Variants in TMEM82 observed in about 807,000 individuals in gnomAD.
TMEM82 encodes transmembrane protein 82.
A neutral mutation model predicts 29.2 loss-of-function variants in TMEM82; 30 were observed. That is an observed-to-expected ratio of 1.03 (90% CI 0.77 to 1.39). The LOEUF (loss-of-function observed/expected upper bound fraction) is 1.39. TMEM82 is among the 40% of genes most tolerant of loss of function. The pLI, the probability that TMEM82 is intolerant of heterozygous loss-of-function variation, is 0.00. For synonymous variants in TMEM82, 221 were observed against 225.4 expected (o/e 0.98, Z 0.18); for missense variants, 442 against 447.7 (o/e 0.99, Z 0.12).
intron 2 of TMEM82, 30 bp from the exon 3 acceptor site, chr1:15,742,990 C>A: frequency 6.2e-7 from 1 of 1,601,368 alleles, no homozygotes; most frequent in South Asian, 1.1e-5. Flanking sequence ...CAGTTCTGCA[C>A]CCCTGCCCAC....
At position 15,747,557 on chromosome 1, in the gene TMEM82, C is replaced by T. The variant is rs2068347713; in HGVS notation, c.957C>T (p.Ser319=). The T allele has an allele frequency of 5.6e-6, 9 of 1,614,002 alleles. No individual in the cohort carries two copies. The highest frequency in any genetic ancestry group is 7.6e-6 in the Non-Finnish European group (9 of 1,179,920). Residue 319 remains serine (S), a synonymous_variant, in exon 6 of 6, where the codon TCC becomes TCT. Transcript: ENST00000375782. Reference sequence around the variant, plus strand: ...ACGCTTTTCCTCAGGATTTTCCATCCCAGAGGCCTCCAGTGTCAACACCAA... The same window carrying T: ...ACGCTTTTCCTCAGGATTTTCCATCTCAGAGGCCTCCAGTGTCAACACCAA... ...LDLCQIQDFP[S]QRPPVSTPSQ... is the part of the protein sequence containing the mutation.
At chr1:15,743,222 G>A (rs774158236) in intron 3 of TMEM82, 28 bp downstream of exon 3, 3 of 1,593,128 alleles carry the variant, frequency 1.9e-6, no homozygotes, top group Non-Finnish European at 8.5e-7. Context: ...GCAGTGGGTG[G>A]ATCACTCCCC....
rs772267270 is a variant in TMEM82 at position 15,747,617 on chromosome 1, T to C, written c.1017T>C (p.Ser339=). ...TGCCCTCGGCACCCCAGTCCCAGAG[T>C]TCGGCCCCCTCTTGACCTGCCTCAG... The part of the protein sequence containing the change: ...QPLPSAPQSQ[S]SAPS Residue 339 remains serine (S), a synonymous_variant, in exon 6 of 6, where the codon AGT becomes AGC. Coordinates refer to ENST00000375782, the MANE Select transcript of TMEM82 (RefSeq NM_001013641.3). 7 of 1,613,886 alleles carry C rather than the reference T, an allele frequency of 4.3e-6. No individual in the cohort carries two copies. Among genetic ancestry groups the C allele is most frequent in the Middle Eastern group, 1.7e-4 (1 of 6,056 alleles).
At chr1:15,743,752 G>A (rs1471448938) in intron 3 of TMEM82, among the ~76,000 whole-genome samples, 1 of 152,066 alleles carries the variant, frequency 6.6e-6, no homozygotes, top group African/African-American at 2.4e-5. Context: ...TTAGGATTTC[G>A]AGACCAGCCT....
chr1:15,744,071 G>C lies in TMEM82; in HGVS notation c.337-89G>C, dbSNP rs558662716. On this transcript the variant is annotated intron_variant, in intron 3 of 5. Transcript: ENST00000375782. The surrounding 1 kb of genome is among the most constrained non-coding windows in gnomAD (Gnocchi z 5.2). ...TGGCCCCTTCGGGAACCATCCCCAA[G>C]GTCCCTTCAGGCTCCGGCTTCCTGT... 6.8e-5 allele frequency: 92 copies of C among 1,359,612 alleles called. No homozygotes were observed. The African/African-American group carries it at 1.3e-3, about 19-fold the overall frequency. 84.2% of individuals were successfully genotyped at this position (1,359,612 alleles called of 1,614,324 possible).
rs769685185 is a variant in TMEM82, at chr1:15,746,855, C to T, written c.758-12C>T. The T allele has an allele frequency of 2.2e-5, 34 of 1,553,468 alleles. 1 individual carries two copies. Among genetic ancestry groups the T allele is most frequent in the Middle Eastern group, 2.1e-4 (1 of 4,674 alleles). On this transcript the variant is annotated splice_polypyrimidine_tract_variant and intron_variant, in intron 4 of 5. Coordinates refer to ENST00000375782, the MANE Select transcript of TMEM82 (RefSeq NM_001013641.3). ...GTGTGGTCGGACGGTGACAGGCACCCGCATCCCACAGAGGAGCAGCGGCAG... is the reference window on the plus strand; with the variant it reads ...GTGTGGTCGGACGGTGACAGGCACCTGCATCCCACAGAGGAGCAGCGGCAG...
rs574035362 is a variant in TMEM82, at chr1:15,744,343, G to A, written c.520G>A (p.Val174Ile). ...GGGTGCCCGGCGCCTCCACCGCCACGTCTGCCGCCTCTACGAGCTGCACAG... is the reference window on the plus strand; with the variant it reads ...GGGTGCCCGGCGCCTCCACCGCCACATCTGCCGCCTCTACGAGCTGCACAG... ...GLGARRLHRH[V>I]CRLYELHSSQ... The change falls in exon 4 of 6, where the codon GTC (valine) becomes ATC (isoleucine). Residue 174 changes from valine (V) to isoleucine (I), a missense_variant. Physicochemically the swap from Val to Ile is conservative, Grantham distance 29 (BLOSUM62 3). Transcript: ENST00000375782. This position sits in a 1 kb window ranked among gnomAD's most constrained non-coding sequence, Gnocchi z 5.2. 1.4e-5 allele frequency: 22 copies of A among 1,545,334 alleles called. No homozygotes were observed. Among genetic ancestry groups the A allele is most frequent in the Admixed American group, 9.7e-5 (5 of 51,482 alleles).
Position 15,747,704 on chromosome 1 carries a change from G to A in TMEM82, c.*72G>A, listed in dbSNP as rs1455216504. 1.2e-5 allele frequency: 16 copies of A among 1,355,946 alleles called. No individual in the cohort carries two copies. Among genetic ancestry groups the A allele is most frequent in the Non-Finnish European group, 1.5e-5 (14 of 960,924 alleles). The allele number at this position is 1,355,946 out of a possible 1,614,324, so 84.0% of individuals were successfully genotyped here. ...ATCTCCGAGGCCTTGACCCCAGGGC[G>A]ATGCCTGGAGGCAGAGTGGCAGAGC... is the stretch of plus-strand genomic sequence containing the variant. On this transcript the variant is annotated 3_prime_UTR_variant, in exon 6 of 6. Coordinates refer to ENST00000375782, the MANE Select transcript of TMEM82 (RefSeq NM_001013641.3).
chr1:15,747,294 A>G (rs1157390233), intron 5 of TMEM82, among the ~76,000 whole-genome samples: 1 of 145,906 alleles, frequency 6.9e-6, no homozygotes, highest in Non-Finnish European at 1.5e-5. Flanking sequence ...TCCATCTCCA[A>G]AAAAAAAAAA....
Position 15,744,844 on chromosome 1 carries a change from C to T in TMEM82, c.757+264C>T, listed in dbSNP as rs563972106. Among the ~76,000 whole-genome samples the T allele has an allele frequency of 8.5e-5, 13 of 152,232 alleles. No individual in the cohort carries two copies. The highest frequency in any genetic ancestry group is 1.9e-4 in the African/African-American group (8 of 41,534). On this transcript the variant is annotated intron_variant, in intron 4 of 5. Transcript: ENST00000375782. This position sits in a 1 kb window ranked among gnomAD's most constrained non-coding sequence, Gnocchi z 5.2. ...GAACAGAATCTTGGACAGAGAGAAC[C>T]GCATGTGCCAATGCCCAGAGGGGAG...
At position 15,743,218 on chromosome 1, in the gene TMEM82, G is replaced by T. The variant is rs768483761; in HGVS notation, c.336+24G>T. 2.5e-6 allele frequency: 4 copies of T among 1,595,658 alleles called. No individual in the cohort carries two copies. The South Asian group carries it at 3.3e-5, about 13-fold the overall frequency. ...AGGTGAGGCCTCCGGGAAGGCAGTG[G>T]GTGGATCACTCCCCAGCCCAGGGCC... is the stretch of plus-strand genomic sequence containing the variant. On this transcript the variant is annotated intron_variant, in intron 3 of 5. Coordinates refer to ENST00000375782, the MANE Select transcript of TMEM82 (RefSeq NM_001013641.3).
In TMEM82 at chr1:15,745,819, C is replaced by A. The variant is rs139996473; in HGVS notation, c.758-1048C>A. Among the ~76,000 whole-genome samples the A allele has an allele frequency of 7.8e-3, 1,113 of 141,784 alleles. 8 individuals carry two copies. The highest frequency in any genetic ancestry group is 0.012 in the South Asian group (53 of 4,304). 93.0% of individuals were successfully genotyped at this position (141,784 alleles called of 152,430 possible). Reference sequence around the variant, plus strand: ...AGGAGAATTGCTTGAACCTGGGAGGCGGAGGTTGCAGTGAGCCAAGATCGC... The same window carrying A: ...AGGAGAATTGCTTGAACCTGGGAGGAGGAGGTTGCAGTGAGCCAAGATCGC... On this transcript the variant is annotated intron_variant, in intron 4 of 5. Transcript: ENST00000375782.
chr1:15,742,590 C>A lies in TMEM82; in HGVS notation c.31C>A (p.Leu11Ile). 3.1e-6 allele frequency: 5 copies of A among 1,601,202 alleles called. No individual in the cohort carries two copies. Among genetic ancestry groups the A allele is most frequent in the South Asian group, 2.2e-5 (2 of 89,384 alleles). The change falls in exon 1 of 6, where the codon CTC becomes ATC. Residue 11 changes from leucine (L) to isoleucine (I), a missense_variant. By Grantham distance (5) the Leu-to-Ile change is conservative. Transcript: ENST00000375782. MFSLPSLPSW[L>I]PGLPSLEWGS... is the part of the protein sequence containing the mutation. ...CTCTCTTCCATCCCTCCCCTCCTGG[C>A]TCCCCGGCCTCCCCTCCCTCGAGTG... is the stretch of plus-strand genomic sequence containing the variant.
chr1:15,742,782 G>A (rs1237313350), intron 1 of TMEM82, 53 bp from the exon 2 acceptor site: 8 of 1,577,500 alleles, frequency 5.1e-6, no homozygotes, highest in Non-Finnish European at 6.9e-6. Context: ...AATGAAGCCT[G>A]CCCTCCTAAC....
Position 15,742,520 on chromosome 1 carries a change from G to A in TMEM82, c.-40G>A, listed in dbSNP as rs1283669334. The A allele has an allele frequency of 4.0e-6, 6 of 1,507,092 alleles. No homozygotes were observed. The highest frequency in any genetic ancestry group is 4.5e-6 in the Non-Finnish European group (5 of 1,119,286). The allele number at this position is 1,507,092 out of a possible 1,614,324, so 93.4% of individuals were successfully genotyped here. Reference sequence around the variant, plus strand: ...CCCAGTGACGTTGGTCTGTCCTTACGCAGACCTGGCCGGAGGCTGGGGCTC... The same window carrying A: ...CCCAGTGACGTTGGTCTGTCCTTACACAGACCTGGCCGGAGGCTGGGGCTC... On this transcript the variant is annotated 5_prime_UTR_variant, in exon 1 of 6. Transcript: ENST00000375782.
In TMEM82 at chr1:15,742,824, C is replaced by T. The variant is rs113301439; in HGVS notation, c.89-11C>T. ...GCACGCTGCCTCGCTGCCTCCCTCC[C>T]GCCCCCTCAGGCCTGATCGGGGCCC... On this transcript the variant is annotated splice_polypyrimidine_tract_variant and intron_variant, in intron 1 of 5. Coordinates refer to ENST00000375782, the MANE Select transcript of TMEM82 (RefSeq NM_001013641.3). 3,660 of 1,610,596 alleles carry T rather than the reference C, an allele frequency of 2.3e-3. 19 individuals are homozygous for T. The highest frequency in any genetic ancestry group is 0.011 in the South Asian group (1,017 of 90,932).
Position 15,744,527 on chromosome 1 carries a change from G to A in TMEM82, c.704G>A (p.Arg235Gln), listed in dbSNP as rs143295979. ...QDFLTTSEAM[R>Q]FWTPLTICYT... ...TTCCTGACCACCTCGGAGGCCATGC[G>A]GTTCTGGACACCGCTCACCATCTGC... Residue 235 changes from arginine to glutamine, a missense_variant, in exon 4 of 6, where the codon CGG (arginine) becomes CAG (glutamine). Physicochemically the swap from Arg to Gln is conservative, Grantham distance 43. Coordinates refer to ENST00000375782, the MANE Select transcript of TMEM82 (RefSeq NM_001013641.3). The surrounding 1 kb of genome is among the most constrained non-coding windows in gnomAD (Gnocchi z 5.2). 536 of 1,612,412 alleles carry A rather than the reference G, an allele frequency of 3.3e-4. No homozygotes were observed. The African/African-American group carries it at 5.2e-3, about 16-fold the overall frequency.
At chr1:15,743,519 C>T (rs1015951840) in intron 3 of TMEM82, among the ~76,000 whole-genome samples, 1 of 152,246 alleles carries the variant, frequency 6.6e-6, no homozygotes, top group Non-Finnish European at 1.5e-5. Context: ...TGCTCTGATT[C>T]CCCATTTCAC....
chr1:15,745,974 C>T (rs894151704), intron 4 of TMEM82, among the ~76,000 whole-genome samples: 4 of 151,344 alleles, frequency 2.6e-5, no homozygotes, highest in African/African-American at 9.7e-5. Context: ...ATCCACCTGC[C>T]TCAGCTTCCC....
Sources: allele counts gnomAD v4.1 joint callset (sites outside exome capture counted in the v4.1 genomes callset), GRCh38; gene constraint gnomAD v4.1.1; non-coding constraint Gnocchi (gnomAD v3.1); transcripts MANE v1.5; gene names NCBI Gene and HGNC (gene_info 2026-07-23, HGNC 2026-07-21).